Variants in NBPF3 observed in about 807,000 individuals in gnomAD.
NBPF3 encodes NBPF member 3.
NBPF3 carries 57 observed loss-of-function variants against 78.1 expected under a neutral mutation model. The ratio of observed to expected loss-of-function variants is 0.73; its 90% CI spans 0.59 to 0.91. The LOEUF (loss-of-function observed/expected upper bound fraction) is 0.91, where lower values mean the gene tolerates loss of function less well. NBPF3 is among the 40% of genes least tolerant of loss of function. The probability of loss-of-function intolerance (pLI) is 0.00; values close to 1 mark genes in which losing one functional copy is unlikely to be tolerated. For missense variants in NBPF3, 510 were observed against 715.3 expected (o/e 0.71, Z 3.27); for synonymous variants, 182 against 271.7 (o/e 0.67, Z 3.25).
intron 2 of NBPF3, among the ~76,000 whole-genome samples, chr1:21,445,596 G>A (rs1200335836): frequency 3.4e-5 from 5 of 145,396 alleles, no homozygotes; most frequent in Admixed American, 1.5e-4. Flanking sequence ...CTTCAGCTTT[G>A]ATGGCTCACC....
intron 2 of NBPF3, chr1:21,454,434 G>A (rs1641484312): frequency 6.6e-6 from 1 of 152,180 alleles, no homozygotes; most frequent in Admixed American, 6.5e-5. Flanking sequence ...AGGGGAGATC[G>A]GGTCCCTTTG....
rs1402588215 is a variant in NBPF3, at chr1:21,480,301, C to T, written c.1381+78C>T. 5.6e-5 allele frequency: 41 copies of T among 728,138 alleles called. 2 individuals are homozygous for T. In the East Asian group the frequency reaches 1.2e-3, roughly 22 times the overall value. The allele number at this position is 728,138 out of a possible 1,614,324, so 45.1% of individuals were successfully genotyped here. A position where few individuals can be genotyped will look rare whatever the true frequency, so the allele number is the denominator to read the frequency against. On this transcript the variant is annotated intron_variant, in intron 11 of 14. Transcript: ENST00000318249. ...GGTGATATTCCTGTTCCAAGTGGCC[C>T]TTATTGACCCGAGAGATGTCATTGC...
At position 21,473,515 on chromosome 1, in the gene NBPF3, C is replaced by A. The variant is rs1459878286; in HGVS notation, c.870C>A (p.Asp290Glu). ...ACACCAGAATCACATTTGAGGAAGA[C>A]CAAGTCGACTCAACTCTCATTGACT... ...YGNTRITFEEDQVDSTLIDSS... is the reference protein window; with the variant it reads ...YGNTRITFEEEQVDSTLIDSS... Residue 290 changes from aspartate to glutamate, a missense_variant, in exon 7 of 15, where the codon GAC becomes GAA. This residue lies in a region of NBPF3 where 440 missense variants were observed against 478.2 expected (regional missense o/e 0.92). Transcript: ENST00000318249. The A allele has an allele frequency of 6.2e-7, 1 of 1,614,054 alleles. No homozygotes were observed. Among genetic ancestry groups the A allele is most frequent in the Non-Finnish European group, 8.5e-7 (1 of 1,180,038 alleles).
intron 2 of NBPF3, chr1:21,453,709 CT>C (rs1641440099): frequency 6.6e-6 from 1 of 152,196 alleles, no homozygotes; most frequent in Non-Finnish European, 1.5e-5. Flanking sequence ...AAGAAATCAA[CT>C]TAGTAATAAT....
intron 2 of NBPF3, among the ~76,000 whole-genome samples, chr1:21,457,352 A>ATATATATATGTGTATG (rs1553390329): frequency 6.9e-6 from 1 of 144,182 alleles, no homozygotes; most frequent in Non-Finnish European, 1.5e-5. Context: ...GTGTGTGTAT[A>ATATATATATGTGTATG]TATATATATA....
rs1401417797 is a variant in NBPF3, at chr1:21,476,985, T to C, written c.993-1159T>C. On this transcript the variant is annotated intron_variant, in intron 8 of 14. Transcript: ENST00000318249. The surrounding 1 kb of genome is among the most constrained non-coding windows in gnomAD (Gnocchi z 4.1). ...AGGCTTTGTTCATTTCTTTTTACTC[T>C]TTTTTCTCTAAACTGCTCTTCTCAC... 6.6e-6 allele frequency among the ~76,000 whole-genome samples: 1 copy of C among 152,140 alleles called. No individual in the cohort carries two copies. The highest frequency in any genetic ancestry group is 1.5e-5 in the Non-Finnish European group (1 of 68,030).
At chr1:21,451,804 A>G (rs1234720094) in intron 2 of NBPF3, 2 of 302,910 alleles carry the variant, frequency 6.6e-6, no homozygotes, top group African/African-American at 2.3e-5. Context: ...AAATAATATT[A>G]TATCTGTAAA....
Position 21,441,698 on chromosome 1 carries a change from G to A in NBPF3, c.-140+1350G>A, listed in dbSNP as rs12047493. On this transcript the variant is annotated intron_variant, in intron 1 of 14. Transcript: ENST00000318249. The stretch of plus-strand genomic sequence containing the variant: ...CTCCGACCTGGATGGCAGAGTGAGA[G>A]CCTATCTCAAAAAAAAAAAAAAAAA... Among the ~76,000 whole-genome samples the A allele has an allele frequency of 2.8e-5, 4 of 142,508 alleles. No homozygotes were observed. The East Asian group carries it at 8.0e-4, about 29-fold the overall frequency. The allele number at this position is 142,508 out of a possible 152,430, so 93.5% of individuals were successfully genotyped here.
intron 2 of NBPF3, among the ~76,000 whole-genome samples, chr1:21,463,334 A>C (rs1642057340): frequency 6.6e-6 from 1 of 152,296 alleles, no homozygotes; most frequent in South Asian, 2.1e-4. Flanking sequence ...CAGGGCTCTC[A>C]CCAGCGCCAA....
intron 8 of NBPF3, among the ~76,000 whole-genome samples, chr1:21,475,700 G>A (rs527798047): frequency 6.6e-6 from 1 of 152,296 alleles, no homozygotes; most frequent in African/African-American, 2.4e-5. Context: ...CAACTATGTG[G>A]TCAATTTTGG....
chr1:21,442,676 T>G (rs893162889), intron 1 of NBPF3, among the ~76,000 whole-genome samples: 2 of 151,768 alleles, frequency 1.3e-5, no homozygotes, highest in African/African-American at 4.8e-5. Context: ...TGCATTTTTT[T>G]TTTTTCAGAC....
intron 2 of NBPF3, among the ~76,000 whole-genome samples, chr1:21,464,488 A>T (rs1465967089): frequency 6.6e-6 from 1 of 152,100 alleles, no homozygotes; most frequent in Non-Finnish European, 1.5e-5. Context: ...CCATAGGTAC[A>T]GGCATGCTTT....
At chr1:21,473,117 AG>A (rs1364128363) in intron 6 of NBPF3, among the ~76,000 whole-genome samples, 1 of 152,184 alleles carries the variant, frequency 6.6e-6, no homozygotes, top group African/African-American at 2.4e-5. Context: ...TGTACCGTAC[AG>A]GGATAGCTGA....
chr1:21,474,814 T>A, intron 7 of NBPF3, 86 bp from the exon 8 acceptor site: 1 of 1,245,976 alleles, frequency 8.0e-7, no homozygotes, highest in South Asian at 1.2e-5. Context: ...AATAGTTATG[T>A]CCTTGTCCTA....
At chr1:21,471,327 A>G (rs935082704) in intron 4 of NBPF3, among the ~76,000 whole-genome samples, 5 of 152,220 alleles carry the variant, frequency 3.3e-5, no homozygotes, top group African/African-American at 1.2e-4. Flanking sequence ...ACTTTTGTTG[A>G]CAGAAGAGAA....
chr1:21,461,789 A>C (rs1641964814), intron 2 of NBPF3, among the ~76,000 whole-genome samples: 1 of 152,252 alleles, frequency 6.6e-6, no homozygotes, highest in African/African-American at 2.4e-5. Flanking sequence ...TATGAAGCAC[A>C]TGATCAAGCA....
At chr1:21,450,206 GAA>G (rs1641230016) in intron 2 of NBPF3, among the ~76,000 whole-genome samples, 1 of 152,098 alleles carries the variant, frequency 6.6e-6, no homozygotes, top group South Asian at 2.1e-4. Context: ...TACAGATATT[GAA>G]AGAGTTCCTA....
intron 7 of NBPF3, among the ~76,000 whole-genome samples, chr1:21,474,093 G>A (rs1159019734): frequency 1.3e-5 from 2 of 152,120 alleles, no homozygotes; most frequent in African/African-American, 4.8e-5. Flanking sequence ...TGCTGATATA[G>A]TTCCATAAAG....
intron 1 of NBPF3, among the ~76,000 whole-genome samples, chr1:21,443,919 T>G (rs1640811322): frequency 6.6e-6 from 1 of 152,216 alleles, no homozygotes; most frequent in Non-Finnish European, 1.5e-5. Flanking sequence ...CCATTTTAGT[T>G]TTAATAATTT....
Sources: allele counts gnomAD v4.1 joint callset (sites outside exome capture counted in the v4.1 genomes callset), GRCh38; gene constraint gnomAD v4.1.1; regional missense constraint gnomAD v4.1.1; non-coding constraint Gnocchi (gnomAD v3.1); transcripts MANE v1.5; gene names NCBI Gene and HGNC (gene_info 2026-07-23, HGNC 2026-07-21).